COL28A1: variants seen among roughly 807,000 people sequenced by gnomAD.
COL28A1 encodes collagen type XXVIII alpha 1 chain.
In COL28A1, 161 loss-of-function variants were observed where a neutral mutation model predicts 150.2. The ratio of observed to expected loss-of-function variants is 1.07; its 90% confidence interval spans 0.94 to 1.22. COL28A1 has a LOEUF of 1.22. COL28A1 is among the 50% of genes most tolerant of loss of function. The probability of loss-of-function intolerance (pLI) is 0.00; values close to 1 mark genes in which losing one functional copy is unlikely to be tolerated. For synonymous variants in COL28A1, 552 were observed against 469.7 expected, an observed-to-expected ratio of 1.18 and a Z score of -2.26; for missense variants, 1,617 against 1,388.3, an observed-to-expected ratio of 1.16 and a Z score of -2.62.
At chr7:7,448,469 G>GA (rs1786438750) in intron 18 of COL28A1, among the ~76,000 whole-genome samples, 1 of 149,578 alleles carries the variant, frequency 6.7e-6, no homozygotes, top group Non-Finnish European at 1.5e-5. Context: ...AATAAGCAAA[G>GA]ATTTTTTTTT....
At chr7:7,420,838 C>T (rs1486626967) in intron 25 of COL28A1, among the ~76,000 whole-genome samples, 1 of 151,490 alleles carries the variant, frequency 6.6e-6, no homozygotes, top group Non-Finnish European at 1.5e-5. Context: ...TAAGGTTTGC[C>T]CAAGTCTGCA....
intron 21 of COL28A1, 106 bp downstream of exon 21, chr7:7,440,684 T>A: frequency 1.7e-6 from 1 of 573,902 alleles, no homozygotes; most frequent in East Asian, 2.7e-5. Context: ...TTGTACTTGT[T>A]GGGAAGGAAA....
intron 33 of COL28A1, among the ~76,000 whole-genome samples, chr7:7,367,647 T>C (rs377290348): frequency 1.3e-5 from 2 of 152,106 alleles, no homozygotes; most frequent in Non-Finnish European, 1.5e-5. Flanking sequence ...GAAAGCTTCA[T>C]ATGTCCTAGT....
At chr7:7,451,484 A>G (rs1227038901) in intron 18 of COL28A1, among the ~76,000 whole-genome samples, 2 of 152,120 alleles carry the variant, frequency 1.3e-5, no homozygotes, top group African/African-American at 4.8e-5. Context: ...TTGGCCTCCC[A>G]AAGTGCTGGG....
chr7:7,413,603 G>T (rs1308432795), intron 27 of COL28A1, among the ~76,000 whole-genome samples: 1 of 152,106 alleles, frequency 6.6e-6, no homozygotes, highest in African/African-American at 2.4e-5. Context: ...CTTTTTGCCT[G>T]CTGGGTTTAA....
chr7:7,530,475 T>G (rs1260551331), intron 3 of COL28A1, among the ~76,000 whole-genome samples: 2 of 152,182 alleles, frequency 1.3e-5, no homozygotes, highest in East Asian at 3.8e-4. Flanking sequence ...TATGAAACGC[T>G]CAGTACATAA....
At chr7:7,366,307 T>C (rs749195814) in intron 33 of COL28A1, among the ~76,000 whole-genome samples, 1 of 152,136 alleles carries the variant, frequency 6.6e-6, no homozygotes, top group Admixed American at 6.5e-5. Context: ...ACACATTAAA[T>C]AGATGCATCC....
Position 7,373,424 on chromosome 7 carries a change from C to G in COL28A1, c.2482G>C (p.Val828Leu), listed in dbSNP as rs1781342611. 1 of 1,614,144 alleles carries G rather than the reference C, an allele frequency of 6.2e-7. No individual in the cohort carries two copies. Residue 828 changes from valine to leucine, a missense_variant, in exon 32 of 35, where the codon GTT becomes CTT. Val to Leu is a conservative substitution (Grantham distance 32). Coordinates refer to ENST00000399429, the MANE Select transcript of COL28A1 (RefSeq NM_001037763.3). This position sits in a 1 kb window ranked among gnomAD's most constrained non-coding sequence, Gnocchi z 4.1. Reference sequence around the variant, plus strand: ...CGGGCCGTGGCAAGGTCCAGAGCAACCCGGTCAGCCATAGTCTTCACAAAA... The same window carrying G: ...CGGGCCGTGGCAAGGTCCAGAGCAAGCCGGTCAGCCATAGTCTTCACAAAA... ...KNFVKTMADRVALDLATARIG... is the reference protein window; with the variant it reads ...KNFVKTMADRLALDLATARIG...
Position 7,457,025 on chromosome 7 carries a change from A to T in COL28A1, c.1303-913T>A, listed in dbSNP as rs150760358. ...ACAAAGATGATGCCTGACATGTTCC[A>T]GAAACAGCAAGGAGACAGTGCGGGT... is the stretch of plus-strand genomic sequence containing the variant. On this transcript the variant is annotated intron_variant, in intron 15 of 34. Coordinates refer to ENST00000399429, the MANE Select transcript of COL28A1 (RefSeq NM_001037763.3). 2.3e-3 allele frequency among the ~76,000 whole-genome samples: 354 copies of T among 152,318 alleles called. 1 individual carries two copies. The highest frequency in any genetic ancestry group is 8.1e-3 in the African/African-American group (336 of 41,580).
At position 7,531,374 on chromosome 7, in the gene COL28A1, G is replaced by A. The variant is rs770650677; in HGVS notation, c.655C>T (p.Leu219Phe). ...AGACGATCTTGAATTTTATCTACAA[G>A]GGTTGGATCACTCAACAGTAAAGTG... ...EPTLLLSDPT[L>F]VDKIQDRLDI... Residue 219 changes from leucine (L) to phenylalanine (F), a missense_variant, in exon 3 of 35, where the codon CTT (leucine) becomes TTT (phenylalanine). Transcript: ENST00000399429. 3.9e-6 allele frequency: 6 copies of A among 1,556,528 alleles called. No homozygotes were observed. The highest frequency in any genetic ancestry group is 1.8e-5 in the Admixed American group (1 of 55,564).
chr7:7,475,940 A>G (rs759682885), intron 14 of COL28A1, among the ~76,000 whole-genome samples: 40 of 152,230 alleles, frequency 2.6e-4, no homozygotes, highest in Non-Finnish European at 4.7e-4. Flanking sequence ...CGTCTTTTAA[A>G]ATTTAACCCA....
At chr7:7,457,795 T>C (rs1261903858) in intron 15 of COL28A1, among the ~76,000 whole-genome samples, 1 of 152,176 alleles carries the variant, frequency 6.6e-6, no homozygotes, top group Non-Finnish European at 1.5e-5. Flanking sequence ...TGTCAAATGC[T>C]ACCAACAGGG....
At chr7:7,352,335 T>G (rs990750443), downstream of COL28A1, among the ~76,000 whole-genome samples, 4 of 152,294 alleles carry the variant, frequency 2.6e-5, no homozygotes, top group East Asian at 7.7e-4. Flanking sequence ...TGTGGCAGAT[T>G]GAATAATGGC....
chr7:7,459,116 T>G (rs896833884), intron 15 of COL28A1, among the ~76,000 whole-genome samples: 1 of 152,200 alleles, frequency 6.6e-6, no homozygotes, highest in Non-Finnish European at 1.5e-5. Context: ...TGCTATGTAA[T>G]AATATCCTGA....
intron 2 of COL28A1, 130 bp from the exon 3 acceptor site, chr7:7,532,034 A>C (rs979586943): frequency 3.5e-6 from 2 of 573,832 alleles, no homozygotes; most frequent in Non-Finnish European, 6.3e-6. Context: ...AGAAAGAGAG[A>C]CACGTTGGAC....
rs186242279 is a variant in COL28A1 at position 7,386,365 on chromosome 7, A to G, written c.2137-4753T>C. Among the ~76,000 whole-genome samples the G allele has an allele frequency of 2.4e-4, 37 of 152,268 alleles. No individual in the cohort carries two copies. In the East Asian group the frequency reaches 5.8e-3, roughly 24 times the overall value. ...TTCTGCCAGTGTGTAGAAAAGTGGA[A>G]AAAAATGCTACTCTCATTCTTAAAG... On this transcript the variant is annotated intron_variant, in intron 27 of 34. Transcript: ENST00000399429.
At chr7:7,465,619 T>G (rs941976540) in intron 15 of COL28A1, among the ~76,000 whole-genome samples, 1 of 128,194 alleles carries the variant, frequency 7.8e-6, no homozygotes, top group Non-Finnish European at 1.7e-5. Flanking sequence ...CAAGGAGGCC[T>G]GCCTGCCTCT....
At position 7,407,254 on chromosome 7, in the gene COL28A1, G is replaced by A. The variant is rs1266128518; in HGVS notation, c.2136+10605C>T. On this transcript the variant is annotated intron_variant, in intron 27 of 34. Coordinates refer to ENST00000399429, the MANE Select transcript of COL28A1 (RefSeq NM_001037763.3). Reference sequence around the variant, plus strand: ...AAAGATGGTTAGTGGGGCAGAGGGGGAAGAAGACTAGGTCAGAAGCAATCT... The same window carrying A: ...AAAGATGGTTAGTGGGGCAGAGGGGAAAGAAGACTAGGTCAGAAGCAATCT... Among the ~76,000 whole-genome samples the A allele has an allele frequency of 2.0e-5, 3 of 151,992 alleles. No homozygotes were observed. In the East Asian group the frequency reaches 5.8e-4, roughly 29 times the overall value.
At chr7:7,360,045 A>C (rs1472461441) in intron 34 of COL28A1, among the ~76,000 whole-genome samples, 2 of 152,190 alleles carry the variant, frequency 1.3e-5, no homozygotes, top group African/African-American at 4.8e-5. Flanking sequence ...AAATGCCTAC[A>C]TGTGTGAAGG....
Sources: gnomAD v4.1 joint callset for allele counts (sites outside exome capture counted in the v4.1 genomes callset) on GRCh38, gnomAD v4.1.1 for gene constraint, Gnocchi (gnomAD v3.1) non-coding constraint, MANE v1.5 for transcripts, NCBI Gene and HGNC (gene_info 2026-07-23, HGNC 2026-07-21) for gene names.